Variants in FGF5 observed in about 807,000 individuals in gnomAD.
The protein encoded by FGF5 is fibroblast growth factor 5.
Under a neutral mutation model 21.8 loss-of-function variants are expected in FGF5, and 23 were observed. That is an observed-to-expected ratio of 1.05 (90% CI 0.76 to 1.49). FGF5 has a LOEUF of 1.49. Ranked by LOEUF, FGF5 falls within the 40% of genes most tolerant of loss-of-function variation. The pLI, the probability that FGF5 is intolerant of heterozygous loss-of-function variation, is 0.00. For missense variants in FGF5, 352 were observed against 332.9 expected (o/e 1.06, Z -0.45); for synonymous variants, 158 against 124.0 (o/e 1.27, Z -1.82).
At chr4:80,266,605 G>A (rs534638922), upstream of FGF5, 13 of 536,750 alleles carry the variant, frequency 2.4e-5, no homozygotes, top group Non-Finnish European at 3.9e-5. Flanking sequence ...CTTCGCAGGC[G>A]TGCACGGAGC....
chr4:80,285,831 C>T (rs1720696983), intron 2 of FGF5, among the ~76,000 whole-genome samples: 1 of 152,166 alleles, frequency 6.6e-6, no homozygotes, highest in South Asian at 2.1e-4. Flanking sequence ...CAGCCTCAAT[C>T]ACACTGATAA....
intron 1 of FGF5, among the ~76,000 whole-genome samples, chr4:80,271,568 G>A (rs1247713974): frequency 6.6e-6 from 1 of 152,162 alleles, no homozygotes; most frequent in African/African-American, 2.4e-5. Flanking sequence ...TAGCAGGAGA[G>A]TACTAAGACA....
chr4:80,267,303 T>C, intron 1 of FGF5, 124 bp downstream of exon 1: 1 of 760,066 alleles, frequency 1.3e-6, no homozygotes, highest in Non-Finnish European at 2.1e-6. Context: ...ACCAAGCTGA[T>C]ACTCAGAAAC....
At chr4:80,282,528 G>A (rs983598434) in intron 2 of FGF5, among the ~76,000 whole-genome samples, 4 of 152,148 alleles carry the variant, frequency 2.6e-5, no homozygotes, top group African/African-American at 9.7e-5. Context: ...ACATGGGCAG[G>A]ACCATGTTAA....
rs200891724 is a variant in FGF5, at chr4:80,286,463, C to A, written c.598C>A (p.Arg200=). The change falls in exon 3 of 3, where the codon CGA becomes AGA. Residue 200 remains arginine, a synonymous_variant. Transcript: ENST00000312465. ...CCTGAATAAAAGAGGAAAAGCCAAA[C>A]GAGGGTGCAGCCCCCGGGTTAAACC... ...VALNKRGKAK[R]GCSPRVKPQH... 8 of 1,613,856 alleles carry A rather than the reference C, an allele frequency of 5.0e-6. No homozygotes were observed. The highest frequency in any genetic ancestry group is 1.1e-5 in the South Asian group (1 of 91,076).
Position 80,288,133 on chromosome 4 carries a change from CA to C in FGF5, c.*1465del, listed in dbSNP as rs1183751506. 1 of 152,078 alleles carries C rather than the reference CA, an allele frequency of 6.6e-6. No individual in the cohort carries two copies. The highest frequency in any genetic ancestry group is 1.5e-5 in the Non-Finnish European group (1 of 67,980). 9.4% of individuals were successfully genotyped at this position (152,078 alleles called of 1,614,324 possible). On this transcript the variant is annotated 3_prime_UTR_variant, in exon 3 of 3. Coordinates refer to ENST00000312465, the MANE Select transcript of FGF5 (RefSeq NM_004464.4). Reference sequence around the variant, plus strand: ...GCTAAACATATGGCTTTAGTAGTAACAAAAGGGTTCATAGAAACTTCATGGT... The same window carrying C: ...GCTAAACATATGGCTTTAGTAGTAACAAAGGGTTCATAGAAACTTCATGGT...
intron 2 of FGF5, among the ~76,000 whole-genome samples, chr4:80,275,967 A>G (rs1720399566): frequency 1.3e-5 from 2 of 152,056 alleles, no homozygotes; most frequent in Non-Finnish European, 2.9e-5. Flanking sequence ...TTCAATTGAT[A>G]GCAATAATTG....
At chr4:80,271,519 C>G (rs1447708784) in intron 1 of FGF5, among the ~76,000 whole-genome samples, 1 of 152,080 alleles carries the variant, frequency 6.6e-6, no homozygotes, top group African/African-American at 2.4e-5. Context: ...CTGAGCCACC[C>G]GTCCACCCCG....
At chr4:80,271,314 G>C (rs1475371701) in intron 1 of FGF5, among the ~76,000 whole-genome samples, 1 of 152,066 alleles carries the variant, frequency 6.6e-6, no homozygotes. Flanking sequence ...TGCATAAGTG[G>C]AATAGACTGT....
Position 80,283,790 on chromosome 4 carries a change from G to A in FGF5, c.460-2535G>A, listed in dbSNP as rs80149051. 5.9e-3 allele frequency among the ~76,000 whole-genome samples: 886 copies of A among 151,010 alleles called. 8 individuals carry two copies. Among genetic ancestry groups the A allele is most frequent in the African/African-American group, 0.019 (795 of 41,158 alleles). On this transcript the variant is annotated intron_variant, in intron 2 of 2. Coordinates refer to ENST00000312465, the MANE Select transcript of FGF5 (RefSeq NM_004464.4). ...CTGCATTTTAAGAAAAAAAAAACCC[G>A]AGACAAGATAAATATACCTGATACT...
At position 80,286,389 on chromosome 4, in the gene FGF5, C is replaced by T. The variant is rs1720719552; in HGVS notation, c.524C>T (p.Ala175Val). ...CAAGAAAATAGCTATAATACCTATG[C>T]CTCAGCAATACATAGAACTGAAAAA... ...RFQENSYNTY[A>V]SAIHRTEKTG... Residue 175 changes from alanine (A) to valine (V), a missense_variant, in exon 3 of 3, where the codon GCC (alanine) becomes GTC (valine). Coordinates refer to ENST00000312465, the MANE Select transcript of FGF5 (RefSeq NM_004464.4). 1.2e-6 allele frequency: 2 copies of T among 1,613,802 alleles called. No homozygotes were observed. The highest frequency in any genetic ancestry group is 1.7e-6 in the Non-Finnish European group (2 of 1,179,888).
In FGF5 at chr4:80,287,632, T is replaced by C. The variant is rs778462928; in HGVS notation, c.*960T>C. 1.2e-4 allele frequency: 19 copies of C among 152,210 alleles called. No individual in the cohort carries two copies. The highest frequency in any genetic ancestry group is 2.1e-4 in the Non-Finnish European group (14 of 68,034). 9.4% of individuals were successfully genotyped at this position (152,210 alleles called of 1,614,324 possible). On this transcript the variant is annotated 3_prime_UTR_variant, in exon 3 of 3. Transcript: ENST00000312465. ...TACATTTTATTCTGTCCATGAAGCA[T>C]ACACTATGAAATTCAAGTGCTTAAA...
rs1720876508 is a variant in FGF5, at chr4:80,290,663, T to C, written c.*3991T>C. The C allele has an allele frequency of 1.3e-5, 2 of 152,156 alleles. No individual in the cohort carries two copies. The highest frequency in any genetic ancestry group is 1.3e-4 in the Admixed American group (2 of 15,264). 9.4% of individuals were successfully genotyped at this position (152,156 alleles called of 1,614,324 possible). ...CCAACCTGTCATCCAGCATTAGGTA[T>C]ATCTCCTAATGCTATCCCTCCCCTC... On this transcript the variant is annotated 3_prime_UTR_variant, in exon 3 of 3. Coordinates refer to ENST00000312465, the MANE Select transcript of FGF5 (RefSeq NM_004464.4).
At position 80,272,721 on chromosome 4, in the gene FGF5, C is replaced by T. The variant is rs36099360; in HGVS notation, c.356-2188C>T. Among the ~76,000 whole-genome samples, 1,358 of 152,168 alleles carry T rather than the reference C, an allele frequency of 8.9e-3. 16 individuals are homozygous for T. The highest frequency in any genetic ancestry group is 0.029 in the African/African-American group (1,187 of 41,534). ...TTAAAAGCCTCTAACAATCTAGCAC[C>T]ATGAGTAAATTGGAGGAAATATACA... On this transcript the variant is annotated intron_variant, in intron 1 of 2. Coordinates refer to ENST00000312465, the MANE Select transcript of FGF5 (RefSeq NM_004464.4).
At chr4:80,271,130 G>A (rs34875206) in intron 1 of FGF5, among the ~76,000 whole-genome samples, 2,343 of 152,220 alleles carry the variant, frequency 0.015, 89 homozygotes, top group Admixed American at 0.079. Context: ...TGAATACATG[G>A]AATATCTGTG....
At chr4:80,275,294 G>A (rs1720379800) in intron 2 of FGF5, among the ~76,000 whole-genome samples, 1 of 151,928 alleles carries the variant, frequency 6.6e-6, no homozygotes, top group Admixed American at 6.6e-5. Flanking sequence ...TTTCTTAGAA[G>A]TGGCCCACGT....
chr4:80,280,600 T>C (rs563168642), intron 2 of FGF5, among the ~76,000 whole-genome samples: 1 of 152,296 alleles, frequency 6.6e-6, no homozygotes, highest in South Asian at 2.1e-4. Context: ...TGCAGGGTGA[T>C]AGATGGATCA....
intron 1 of FGF5, among the ~76,000 whole-genome samples, chr4:80,270,470 A>G (rs1720239603): frequency 6.6e-6 from 1 of 152,228 alleles, no homozygotes; most frequent in Non-Finnish European, 1.5e-5. Flanking sequence ...ACATGGACCA[A>G]TTAATATACT....
Position 80,286,638 on chromosome 4 carries a change from C to T in FGF5, c.773C>T (p.Ser258Leu), listed in dbSNP as rs769031234. Residue 258 changes from serine to leucine, a missense_variant, in exon 3 of 3, where the codon TCA becomes TTA. Transcript: ENST00000312465. The part of the protein sequence containing the change: ...PLSAPRKNTN[S>L]VKYRLKFRFG ...TCTGCACCTCGGAAAAATACCAACT[C>T]AGTGAAATACAGACTCAAGTTTCGC... 6.2e-6 allele frequency: 10 copies of T among 1,613,796 alleles called. No individual in the cohort carries two copies. The highest frequency in any genetic ancestry group is 8.5e-6 in the Non-Finnish European group (10 of 1,179,914).
Sources: allele counts gnomAD v4.1 joint callset (sites outside exome capture counted in the v4.1 genomes callset), GRCh38; gene constraint gnomAD v4.1.1; transcripts MANE v1.5; gene names NCBI Gene and HGNC (gene_info 2026-07-23, HGNC 2026-07-21).